Variants in FRAS1 observed in about 807,000 individuals in gnomAD.
FRAS1 encodes the protein extracellular matrix organizing protein FRAS1.
FRAS1 carries 290 observed loss-of-function variants against 435.2 expected under a neutral mutation model. The observed-to-expected ratio is 0.67, with a 90% CI of 0.61 to 0.73. The LOEUF is 0.73. FRAS1 is among the 30% of genes least tolerant of loss of function. FRAS1 has a pLI of 0.00. For missense variants in FRAS1, 4,860 were observed against 5,001.5 expected, an observed-to-expected ratio of 0.97 and a Z score of 0.85; for synonymous variants, 1,800 against 1,851.0, an observed-to-expected ratio of 0.97 and a Z score of 0.71.
chr4:78,376,498 C>A (rs908482102), intron 26 of FRAS1, among the ~76,000 whole-genome samples: 1 of 152,162 alleles, frequency 6.6e-6, no homozygotes, highest in Non-Finnish European at 1.5e-5. Context: ...TGTTATATAG[C>A]ACATGACTGT....
intron 49 of FRAS1, among the ~76,000 whole-genome samples, chr4:78,465,463 C>A (rs1185437298): frequency 1.3e-5 from 2 of 152,198 alleles, no homozygotes; most frequent in Non-Finnish European, 2.9e-5. Flanking sequence ...CTGAGGAGGT[C>A]ATACTTTAGC....
At chr4:78,081,396 G>A (rs1170954662) in intron 2 of FRAS1, among the ~76,000 whole-genome samples, 1 of 152,100 alleles carries the variant, frequency 6.6e-6, no homozygotes, top group Admixed American at 6.6e-5. Context: ...GTTATGCATG[G>A]CTAGTAGCTC....
At chr4:78,304,506 TG>T (rs1244218338) in intron 14 of FRAS1, among the ~76,000 whole-genome samples, 1 of 152,218 alleles carries the variant, frequency 6.6e-6, no homozygotes, top group South Asian at 2.1e-4. Context: ...GGACTCTTTT[TG>T]TTTGGTAAGC....
At position 78,418,943 on chromosome 4, in the gene FRAS1, G is replaced by A; in HGVS notation, c.4426-6G>A. 6.4e-7 allele frequency: 1 copy of A among 1,553,346 alleles called. No homozygotes were observed. The highest frequency in any genetic ancestry group is 8.8e-7 in the Non-Finnish European group (1 of 1,135,284). Reference sequence around the variant, plus strand: ...GTGTTCCTCTTCCTTCTTAAACTTTGTTTAGGCTAGAGAAGATGGCCTGAC... The same window carrying A: ...GTGTTCCTCTTCCTTCTTAAACTTTATTTAGGCTAGAGAAGATGGCCTGAC... On this transcript the variant is annotated splice_polypyrimidine_tract_variant and splice_region_variant and intron_variant, in intron 32 of 73. Coordinates refer to ENST00000512123, the MANE Select transcript of FRAS1 (RefSeq NM_025074.7).
At chr4:78,426,707 A>G (rs569149830) in intron 35 of FRAS1, among the ~76,000 whole-genome samples, 8 of 152,340 alleles carry the variant, frequency 5.3e-5, no homozygotes, top group African/African-American at 1.9e-4. Flanking sequence ...TGGTGCTCAC[A>G]GGGGCATTTA....
At chr4:78,246,962 G>A (rs1370984015) in intron 4 of FRAS1, among the ~76,000 whole-genome samples, 2 of 152,050 alleles carry the variant, frequency 1.3e-5, no homozygotes, top group South Asian at 4.2e-4. Flanking sequence ...CACTTACCTG[G>A]CACTTAGCAC....
At position 78,475,485 on chromosome 4, in the gene FRAS1, G is replaced by A; in HGVS notation, c.7730G>A (p.Arg2577Lys). Reference protein sequence around the residue: ...KAGSVSVTVQRTGNLNQYAIV... With the variant: ...KAGSVSVTVQKTGNLNQYAIV... The stretch of plus-strand genomic sequence containing the variant: ...GGGTCTGTCAGTGTCACGGTGCAGA[G>A]GACTGGGAACCTGAACCAATATGCC... The change falls in exon 54 of 74, where the codon AGG becomes AAG. Residue 2577 changes from arginine to lysine, a missense_variant. Physicochemically the swap from Arg to Lys is conservative, Grantham distance 26 (BLOSUM62 2). Coordinates refer to ENST00000512123, the MANE Select transcript of FRAS1 (RefSeq NM_025074.7). The A allele has an allele frequency of 6.2e-6, 10 of 1,613,944 alleles. No homozygotes were observed. The highest frequency in any genetic ancestry group is 7.6e-6 in the Non-Finnish European group (9 of 1,179,844).
intron 2 of FRAS1, among the ~76,000 whole-genome samples, chr4:78,231,624 A>G (rs886104254): frequency 3.9e-5 from 6 of 152,140 alleles, no homozygotes; most frequent in Non-Finnish European, 7.4e-5. Flanking sequence ...ATTTAGATGA[A>G]AGAAAATTTA....
chr4:78,440,672 C>A (rs1308517711), intron 40 of FRAS1, among the ~76,000 whole-genome samples: 1 of 152,186 alleles, frequency 6.6e-6, no homozygotes, highest in African/African-American at 2.4e-5. Flanking sequence ...ATATGGTGAA[C>A]CTTTCTTGCT....
At chr4:78,125,438 TG>T (rs1719291706) in intron 2 of FRAS1, among the ~76,000 whole-genome samples, 2 of 152,148 alleles carry the variant, frequency 1.3e-5, no homozygotes, top group Admixed American at 1.3e-4. Context: ...ATAAGTGCAG[TG>T]TGGTGCTGAG....
chr4:78,372,595 C>A, intron 23 of FRAS1, 123 bp from the exon 24 acceptor site: 1 of 1,169,384 alleles, frequency 8.6e-7, no homozygotes, highest in Non-Finnish European at 1.2e-6. Flanking sequence ...GCCTACTTAT[C>A]TGACATCTCT....
intron 14 of FRAS1, among the ~76,000 whole-genome samples, chr4:78,306,156 A>G (rs1045304122): frequency 6.6e-6 from 1 of 152,080 alleles, no homozygotes; most frequent in East Asian, 1.9e-4. Context: ...TTCTGGGTTG[A>G]AAATTCTTTT....
chr4:78,204,619 C>G (rs1025499382), intron 2 of FRAS1, among the ~76,000 whole-genome samples: 1 of 152,152 alleles, frequency 6.6e-6, no homozygotes, highest in African/African-American at 2.4e-5. Context: ...TATCATGAAG[C>G]TTTATAAATC....
chr4:78,094,552 TAG>T (rs1229692990), intron 2 of FRAS1, among the ~76,000 whole-genome samples: 1 of 152,134 alleles, frequency 6.6e-6, no homozygotes, highest in Non-Finnish European at 1.5e-5. Flanking sequence ...CTTAATAATA[TAG>T]AGTGTTCTAA....
chr4:78,318,759 A>G (rs1277991391), intron 17 of FRAS1, 51 bp from the exon 18 acceptor site: 9 of 1,495,072 alleles, frequency 6.0e-6, no homozygotes, highest in Non-Finnish European at 4.5e-6. Flanking sequence ...AAAGATTTGC[A>G]ACATATATTT....
intron 15 of FRAS1, among the ~76,000 whole-genome samples, chr4:78,313,193 G>A (rs889154857): frequency 6.6e-6 from 1 of 152,166 alleles, no homozygotes; most frequent in East Asian, 1.9e-4. Context: ...TGGCATGTGG[G>A]AGGGAAGAAT....
At chr4:78,181,946 G>C in intron 2 of FRAS1, 1 of 1,607,822 alleles carries the variant, frequency 6.2e-7, no homozygotes, top group South Asian at 1.1e-5. Context: ...CTTGTTCTCC[G>C]CTGCCTTCAG....
At chr4:78,096,964 A>G (rs1741845526) in intron 2 of FRAS1, among the ~76,000 whole-genome samples, 1 of 152,188 alleles carries the variant, frequency 6.6e-6, no homozygotes, top group African/African-American at 2.4e-5. Flanking sequence ...TGTCAGGCTG[A>G]AAATTTTCTG....
chr4:78,421,762 G>A (rs1733796018), intron 33 of FRAS1, 101 bp from the exon 34 acceptor site: 2 of 1,344,022 alleles, frequency 1.5e-6, no homozygotes, highest in Non-Finnish European at 1.0e-6. Flanking sequence ...TCCGAAGAAT[G>A]TCAGACTCCC....
Sources: allele counts gnomAD v4.1 joint callset (sites outside exome capture counted in the v4.1 genomes callset), GRCh38; gene constraint gnomAD v4.1.1; transcripts MANE v1.5; gene names NCBI Gene and HGNC (gene_info 2026-07-23, HGNC 2026-07-21).